MSRA: variants seen among roughly 807,000 people sequenced by gnomAD.
The protein encoded by MSRA is methionine sulfoxide reductase A.
In MSRA, 54 loss-of-function variants were observed where a neutral mutation model predicts 31.3. That is an observed-to-expected ratio of 1.73 (90% confidence interval 1.39 to 2.17). MSRA has a LOEUF of 2.17. Ranked by LOEUF, MSRA falls within the 30% of genes most tolerant of loss-of-function variation. MSRA has a pLI of 0.00. For missense variants in MSRA, 507 were observed against 300.9 expected, an observed-to-expected ratio of 1.69 and a Z score of -5.07; for synonymous variants, 169 against 116.5, an observed-to-expected ratio of 1.45 and a Z score of -2.90.
intron 4 of MSRA, among the ~76,000 whole-genome samples, chr8:10,302,645 A>G (rs1800909382): frequency 6.6e-6 from 1 of 152,270 alleles, no homozygotes; most frequent in Non-Finnish European, 1.5e-5. Context: ...GGCAAAGGTC[A>G]GAGATGAGGC....
chr8:10,324,380 C>A (rs1001206114), intron 5 of MSRA, among the ~76,000 whole-genome samples: 10 of 152,174 alleles, frequency 6.6e-5, no homozygotes, highest in South Asian at 2.1e-4. Flanking sequence ...CAGTCTGGAT[C>A]CCTGGCCCTC....
intron 1 of MSRA, among the ~76,000 whole-genome samples, chr8:10,158,069 C>T (rs1319385809): frequency 6.6e-6 from 1 of 152,182 alleles, no homozygotes; most frequent in South Asian, 2.1e-4. Flanking sequence ...CTTCCTGCTT[C>T]ATAGATGGCA....
At chr8:10,222,246 C>T (rs1411659815) in intron 2 of MSRA, among the ~76,000 whole-genome samples, 6 of 152,048 alleles carry the variant, frequency 3.9e-5, no homozygotes, top group Non-Finnish European at 7.4e-5. Flanking sequence ...AGCTTTAGGC[C>T]TTTATAGACC....
intron 3 of MSRA, among the ~76,000 whole-genome samples, chr8:10,274,313 G>A (rs1799205522): frequency 6.6e-6 from 1 of 152,176 alleles, no homozygotes; most frequent in Non-Finnish European, 1.5e-5. Flanking sequence ...AGCTGCCTGA[G>A]GGAGGGAAGA....
intron 1 of MSRA, among the ~76,000 whole-genome samples, chr8:10,159,084 T>C (rs1255445146): frequency 6.6e-6 from 1 of 152,216 alleles, no homozygotes; most frequent in Non-Finnish European, 1.5e-5. Context: ...GATTACCAGA[T>C]ACCAGATGAT....
chr8:10,298,781 C>G (rs918907909), intron 3 of MSRA, among the ~76,000 whole-genome samples: 1 of 152,106 alleles, frequency 6.6e-6, no homozygotes, highest in African/African-American at 2.4e-5. Flanking sequence ...TATGAGTATA[C>G]CACGTTTGTT....
intron 2 of MSRA, among the ~76,000 whole-genome samples, chr8:10,232,006 A>G (rs921529395): frequency 6.6e-6 from 1 of 152,244 alleles, no homozygotes; most frequent in African/African-American, 2.4e-5. Flanking sequence ...TGTTACTTTG[A>G]ACAGTCAGCA....
At chr8:10,295,966 G>T (rs1336205653) in intron 3 of MSRA, among the ~76,000 whole-genome samples, 1 of 152,138 alleles carries the variant, frequency 6.6e-6, no homozygotes, top group African/African-American at 2.4e-5. Context: ...TTAAACACTT[G>T]CTCATTAAAC....
intron 3 of MSRA, among the ~76,000 whole-genome samples, chr8:10,278,004 C>G (rs571524895): frequency 6.6e-6 from 1 of 152,150 alleles, no homozygotes; most frequent in Non-Finnish European, 1.5e-5. Flanking sequence ...AAACCTCTTT[C>G]CATTTTTTCC....
At chr8:10,287,257 G>T (rs542206390) in intron 3 of MSRA, among the ~76,000 whole-genome samples, 1 of 152,254 alleles carries the variant, frequency 6.6e-6, no homozygotes, top group African/African-American at 2.4e-5. Flanking sequence ...TGAAATTATG[G>T]AATCAAACCT....
At chr8:10,064,949 A>G (rs1797386039) in intron 1 of MSRA, among the ~76,000 whole-genome samples, 1 of 152,104 alleles carries the variant, frequency 6.6e-6, no homozygotes, top group Non-Finnish European at 1.5e-5. Flanking sequence ...TTTTGAATGC[A>G]CTGTTGTTAG....
At chr8:10,163,193 G>A (rs1006684982) in intron 1 of MSRA, among the ~76,000 whole-genome samples, 4 of 152,162 alleles carry the variant, frequency 2.6e-5, no homozygotes, top group African/African-American at 9.7e-5. Context: ...TCCAGCCTCA[G>A]AACCATGAGA....
intron 1 of MSRA, among the ~76,000 whole-genome samples, chr8:10,062,152 C>G (rs1043538862): frequency 6.6e-6 from 1 of 152,340 alleles, no homozygotes; most frequent in South Asian, 2.1e-4. Context: ...TAAGCTTGGT[C>G]TGGCTCCTGC....
At chr8:10,149,745 C>T (rs932690532) in intron 1 of MSRA, among the ~76,000 whole-genome samples, 4 of 149,172 alleles carry the variant, frequency 2.7e-5, no homozygotes, top group Admixed American at 1.3e-4. Flanking sequence ...CCATGAAATA[C>T]GTAAATAATA....
intron 5 of MSRA, among the ~76,000 whole-genome samples, chr8:10,363,421 A>T (rs1422269259): frequency 6.6e-6 from 1 of 152,024 alleles, no homozygotes; most frequent in Non-Finnish European, 1.5e-5. Flanking sequence ...GTCCAAATTT[A>T]CCTGCGCAGA....
At chr8:10,218,578 A>G (rs1810211787) in intron 2 of MSRA, among the ~76,000 whole-genome samples, 1 of 152,228 alleles carries the variant, frequency 6.6e-6, no homozygotes, top group Non-Finnish European at 1.5e-5. Context: ...TTCTATAAAT[A>G]GAGACTTCTC....
intron 1 of MSRA, among the ~76,000 whole-genome samples, chr8:10,200,388 A>G (rs1346555304): frequency 6.6e-6 from 1 of 152,206 alleles, no homozygotes; most frequent in African/African-American, 2.4e-5. Flanking sequence ...GGGGGAGAGC[A>G]GTGAGCTGCC....
In MSRA at chr8:10,139,267, A is replaced by G. The variant is rs1802505972; in HGVS notation, c.143-68566A>G. Among the ~76,000 whole-genome samples the G allele has an allele frequency of 2.6e-5, 4 of 152,242 alleles. No homozygotes were observed. In the South Asian group the frequency reaches 8.3e-4, roughly 31 times the overall value. ...GAACATGTAATCTGTGAATAATAAA[A>G]GCACTGATTTGAATATTGGAATGAT... is the stretch of plus-strand genomic sequence containing the variant. On this transcript the variant is annotated intron_variant, in intron 1 of 5. Transcript: ENST00000317173.
chr8:10,140,325 G>C (rs1319355320), intron 1 of MSRA, among the ~76,000 whole-genome samples: 1 of 152,204 alleles, frequency 6.6e-6, no homozygotes, highest in Non-Finnish European at 1.5e-5. Context: ...AAAGGGCATA[G>C]AGTAGCCTTC....
Sources: gnomAD v4.1 joint callset for allele counts (sites outside exome capture counted in the v4.1 genomes callset) on GRCh38, gnomAD v4.1.1 for gene constraint, MANE v1.5 for transcripts, NCBI Gene and HGNC (gene_info 2026-07-23, HGNC 2026-07-21) for gene names.